CDKAL1: variants seen among roughly 807,000 people sequenced by gnomAD.
CDKAL1 encodes the protein threonylcarbamoyladenosine tRNA methylthiotransferase.
Under a neutral mutation model 68.2 loss-of-function variants are expected in CDKAL1, and 32 were observed. That is an observed-to-expected ratio of 0.47 (90% confidence interval 0.35 to 0.63). The LOEUF (loss-of-function observed/expected upper bound fraction) is 0.63. CDKAL1 is among the 30% of genes least tolerant of loss of function. CDKAL1 has a pLI of 0.00. For missense variants in CDKAL1, 606 were observed against 696.7 expected (o/e 0.87, Z 1.47); for synonymous variants, 234 against 244.3 (o/e 0.96, Z 0.39).
chr6:21,176,596 G>T (rs1777580782), intron 13 of CDKAL1, among the ~76,000 whole-genome samples: 1 of 151,460 alleles, frequency 6.6e-6, no homozygotes. Flanking sequence ...GTGCTAGAAT[G>T]TGAAATCTTA....
chr6:20,563,741 G>A (rs2127671155), intron 4 of CDKAL1, among the ~76,000 whole-genome samples: 1 of 151,948 alleles, frequency 6.6e-6, no homozygotes, highest in Middle Eastern at 3.4e-3. Flanking sequence ...AAGCAGCTGT[G>A]TGAATGTAGT....
chr6:20,934,169 G>A (rs1192309455), intron 9 of CDKAL1, among the ~76,000 whole-genome samples: 6 of 152,104 alleles, frequency 3.9e-5, no homozygotes, highest in Admixed American at 3.9e-4. Context: ...TCCTTGACGG[G>A]TTATAGCTGG....
At chr6:21,085,837 G>C (rs1037913931) in intron 12 of CDKAL1, among the ~76,000 whole-genome samples, 1 of 152,164 alleles carries the variant, frequency 6.6e-6, no homozygotes, top group Non-Finnish European at 1.5e-5. Context: ...AAGCAGTGCT[G>C]TAGAAAGATG....
intron 4 of CDKAL1, among the ~76,000 whole-genome samples, chr6:20,551,349 T>C (rs1333190898): frequency 6.6e-6 from 1 of 151,916 alleles, no homozygotes; most frequent in Non-Finnish European, 1.5e-5. Context: ...ATCACCCTTT[T>C]TCCTTCAGTA....
At chr6:20,670,502 A>G (rs1211885304) in intron 5 of CDKAL1, among the ~76,000 whole-genome samples, 2 of 152,274 alleles carry the variant, frequency 1.3e-5, no homozygotes, top group East Asian at 1.9e-4. Flanking sequence ...CCCGTCTCCC[A>G]TTAGCTTTTG....
intron 6 of CDKAL1, chr6:20,756,520 C>T (rs998116157): frequency 6.6e-6 from 1 of 152,206 alleles, no homozygotes. Context: ...CAATCACATT[C>T]TGTATGGAAG....
intron 13 of CDKAL1, among the ~76,000 whole-genome samples, chr6:21,129,682 CAAA>C (rs34802727): frequency 5.8e-5 from 4 of 68,994 alleles, no homozygotes; most frequent in South Asian, 7.6e-4. Flanking sequence ...TGCAGTTTAC[CAAA>C]AAAAAAAAAA....
Position 20,595,511 on chromosome 6 carries a change from T to C in CDKAL1, c.286+46806T>C, listed in dbSNP as rs193038868. 2.0e-3 allele frequency among the ~76,000 whole-genome samples: 309 copies of C among 152,258 alleles called. 1 individual carries two copies. Among genetic ancestry groups the C allele is most frequent in the African/African-American group, 6.8e-3 (282 of 41,558 alleles). ...TTCTTGAAATTCTCATGCTGTGTTT[T>C]TCAGCTCCATCAGGTCATTTATGTT... On this transcript the variant is annotated intron_variant, in intron 4 of 15. Transcript: ENST00000274695.
intron 13 of CDKAL1, among the ~76,000 whole-genome samples, chr6:21,113,257 T>C (rs1209697192): frequency 2.0e-5 from 3 of 152,220 alleles, no homozygotes; most frequent in Non-Finnish European, 4.4e-5. Context: ...TTTGGTATTT[T>C]AGAAATAACT....
chr6:20,964,962 A>G (rs1210436751), intron 10 of CDKAL1, among the ~76,000 whole-genome samples: 1 of 152,132 alleles, frequency 6.6e-6, no homozygotes, highest in Non-Finnish European at 1.5e-5. Context: ...GAACATAGGG[A>G]TACCATGGTT....
intron 9 of CDKAL1, among the ~76,000 whole-genome samples, chr6:20,906,931 G>A (rs1044353916): frequency 3.3e-5 from 5 of 151,914 alleles, no homozygotes; most frequent in East Asian, 1.9e-4. Flanking sequence ...ACAAAAAGAC[G>A]GATTATAACA....
chr6:20,588,760 C>T (rs77722304), intron 4 of CDKAL1, among the ~76,000 whole-genome samples: 1,742 of 152,202 alleles, frequency 0.011, 41 homozygotes, highest in African/African-American at 0.04. Context: ...TAGAGACCTC[C>T]TTTTAAAATA....
chr6:21,227,249 A>T (rs1175092755), intron 15 of CDKAL1, among the ~76,000 whole-genome samples: 1 of 152,140 alleles, frequency 6.6e-6, no homozygotes, highest in Non-Finnish European at 1.5e-5. Context: ...TCTATTCATG[A>T]TCCCTGCTTT....
intron 13 of CDKAL1, among the ~76,000 whole-genome samples, chr6:21,197,082 C>T (rs1303803299): frequency 1.3e-5 from 2 of 151,564 alleles, no homozygotes; most frequent in Admixed American, 6.6e-5. Context: ...CGTTTGAACC[C>T]GGGAGGCGGA....
intron 6 of CDKAL1, among the ~76,000 whole-genome samples, chr6:20,753,957 ATGTGTGTG>A (rs112105313): frequency 6.4e-4 from 94 of 147,754 alleles, no homozygotes; most frequent in African/African-American, 1.4e-3. Context: ...TATTATCTGT[ATGTGTGTG>A]TGTGTGTGTG....
intron 15 of CDKAL1, among the ~76,000 whole-genome samples, chr6:21,211,678 A>T (rs1396347430): frequency 6.6e-6 from 1 of 152,206 alleles, no homozygotes; most frequent in Non-Finnish European, 1.5e-5. Flanking sequence ...AGTCTAGAAA[A>T]TACCTACTTT....
At chr6:20,922,343 TCACCC>T (rs1474337159) in intron 9 of CDKAL1, among the ~76,000 whole-genome samples, 3 of 152,238 alleles carry the variant, frequency 2.0e-5, no homozygotes, top group Non-Finnish European at 4.4e-5. Context: ...TTTTCTTTCT[TCACCC>T]TCTTACAGTA....
At chr6:20,723,730 C>T (rs1180194068) in intron 5 of CDKAL1, 1 of 152,248 alleles carries the variant, frequency 6.6e-6, no homozygotes, top group Non-Finnish European at 1.5e-5. Flanking sequence ...TAGTCTCTGC[C>T]TCTTGCCCCT....
chr6:20,764,545 G>A (rs1178076568), intron 7 of CDKAL1, among the ~76,000 whole-genome samples: 7 of 152,142 alleles, frequency 4.6e-5, no homozygotes, highest in Admixed American at 2.6e-4. Context: ...ACTCTGTAAG[G>A]TTTTGTATTT....
Sources: allele counts gnomAD v4.1 joint callset (sites outside exome capture counted in the v4.1 genomes callset), GRCh38; gene constraint gnomAD v4.1.1; transcripts MANE v1.5; gene names NCBI Gene and HGNC (gene_info 2026-07-23, HGNC 2026-07-21).